The following SF3A1 variants were observed in gnomAD, a reference collection of about 807,000 sequenced individuals.
The protein encoded by SF3A1 is SAP 114.
In SF3A1, 13 loss-of-function variants were observed where a neutral mutation model predicts 89.9. The observed-to-expected ratio is 0.14, with a 90% CI of 0.09 to 0.23. The LOEUF is 0.23. Among genes scored for constraint, SF3A1 ranks in the 10% least tolerant of loss-of-function variants. The pLI, the probability that SF3A1 is intolerant of heterozygous loss-of-function variation, is 1.00. For synonymous variants in SF3A1, 405 were observed against 374.4 expected (o/e 1.08, Z -0.94); for missense variants, 604 against 1,022.1 (o/e 0.59, Z 5.58).
chr22:30,334,515 G>A lies in SF3A1; in HGVS notation c.*79C>T, dbSNP rs1467723150. 31 of 847,398 alleles carry A rather than the reference G, an allele frequency of 3.7e-5. No homozygotes were observed. The highest frequency in any genetic ancestry group is 5.3e-5 in the Non-Finnish European group (29 of 543,686). The allele number at this position is 847,398 out of a possible 1,614,324, so 52.5% of individuals were successfully genotyped here. On this transcript the variant is annotated 3_prime_UTR_variant, in exon 16 of 16. Transcript: ENST00000215793. ...ATATGCAGGCAAGGCAAAGCCTCAG[G>A]GGGGCTCCTGGGTCTGGGGCAGGGG...
chr22:30,342,753 A>G (rs1468150242), intron 5 of SF3A1, 52 bp downstream of exon 5: 1 of 1,190,610 alleles, frequency 8.4e-7, no homozygotes, highest in Admixed American at 1.7e-5. Context: ...TTTCAGACAT[A>G]AAACAGAACC....
intron 11 of SF3A1, among the ~76,000 whole-genome samples, chr22:30,338,307 A>G (rs1931139415): frequency 6.6e-6 from 1 of 151,968 alleles, no homozygotes; most frequent in South Asian, 2.1e-4. Flanking sequence ...AAAAATACAA[A>G]ATTAGCTGGG....
chr22:30,339,314 G>A, intron 9 of SF3A1, 63 bp from the exon 10 acceptor site: 1 of 1,598,350 alleles, frequency 6.3e-7, no homozygotes, highest in East Asian at 2.2e-5. Flanking sequence ...GTCCTGACAA[G>A]AGAGCAGCTT....
intron 2 of SF3A1, 76 bp downstream of exon 2, chr22:30,352,871 TAAAA>T: frequency 1.9e-4 from 287 of 1,544,506 alleles, no homozygotes; most frequent in Non-Finnish European, 2.3e-4. Context: ...AACGTCTCTT[TAAAA>T]ACCCTTGTGC....
intron 11 of SF3A1, 111 bp from the exon 12 acceptor site, chr22:30,338,008 C>T (rs995601449): frequency 2.2e-5 from 17 of 778,876 alleles, no homozygotes; most frequent in African/African-American, 8.5e-5. Context: ...TAGACAACTA[C>T]GTCCTGGCCC....
At position 30,340,682 on chromosome 22, in the gene SF3A1, A is replaced by G; in HGVS notation, c.1189+13T>C. ...CTGGGCAGCCCGAGGGTTGGGAAGC[A>G]GGCCCTCCCTACCTTTGGGATCATA... On this transcript the variant is annotated intron_variant, in intron 8 of 15. Transcript: ENST00000215793. 1 of 1,514,750 alleles carries G rather than the reference A, an allele frequency of 6.6e-7. No homozygotes were observed. Among genetic ancestry groups the G allele is most frequent in the Non-Finnish European group, 9.2e-7 (1 of 1,090,524 alleles). 93.8% of individuals were successfully genotyped at this position (1,514,750 alleles called of 1,614,324 possible).
chr22:30,336,646 G>C (rs956947726), intron 13 of SF3A1, among the ~76,000 whole-genome samples: 1 of 152,172 alleles, frequency 6.6e-6, no homozygotes, highest in African/African-American at 2.4e-5. Flanking sequence ...AAGGGCTAGA[G>C]CTGGGGAGGA....
chr22:30,334,357 G>A lies in SF3A1; in HGVS notation c.*237C>T, dbSNP rs759809914. ...CTGAAGAAATGAATGTCCTCAAATCGAGACCCTAACACAAAGAGATTCCAG... is the reference window on the plus strand; with the variant it reads ...CTGAAGAAATGAATGTCCTCAAATCAAGACCCTAACACAAAGAGATTCCAG... On this transcript the variant is annotated 3_prime_UTR_variant, in exon 16 of 16. Transcript: ENST00000215793. 12 of 382,188 alleles carry A rather than the reference G, an allele frequency of 3.1e-5. No homozygotes were observed. Among genetic ancestry groups the A allele is most frequent in the Admixed American group, 1.5e-4 (3 of 20,094 alleles). The allele number at this position is 382,188 out of a possible 1,614,324, so 23.7% of individuals were successfully genotyped here.
chr22:30,335,553 A>G lies in SF3A1; in HGVS notation c.2209-15T>C. On this transcript the variant is annotated splice_polypyrimidine_tract_variant and intron_variant, in intron 14 of 15. Transcript: ENST00000215793. ...ATGACAGAGACCTGTGGGATCAAGC[A>G]GCGGTCATTCAACTCCTTGGTAAGG... 1 of 1,614,156 alleles carries G rather than the reference A, an allele frequency of 6.2e-7. No homozygotes were observed. The highest frequency in any genetic ancestry group is 8.5e-7 in the Non-Finnish European group (1 of 1,179,974).
Position 30,344,880 on chromosome 22 carries a change from AAGATG to A in SF3A1, c.651+48_651+52del, listed in dbSNP as rs1309750082. 1.1e-5 allele frequency: 17 copies of A among 1,588,304 alleles called. No homozygotes were observed. In the East Asian group the frequency reaches 3.4e-4, roughly 32 times the overall value. ...GAGTGGACACAGTGCTTCCAAGCAT[AAGATG>A]TTTTCCTTTCCTGGGCCCAGGACCC... On this transcript the variant is annotated intron_variant, in intron 4 of 15. Coordinates refer to ENST00000215793, the MANE Select transcript of SF3A1 (RefSeq NM_005877.6).
At position 30,335,450 on chromosome 22, in the gene SF3A1, T is replaced by C. The variant is rs1226667235; in HGVS notation, c.2280+17A>G. ...TGTCAGGACCCAAGGGACAGGTCTG[T>C]GGACAAACTGACTCACCTCATACTG... is the stretch of plus-strand genomic sequence containing the variant. On this transcript the variant is annotated intron_variant, in intron 15 of 15. Coordinates refer to ENST00000215793, the MANE Select transcript of SF3A1 (RefSeq NM_005877.6). 6.2e-7 allele frequency: 1 copy of C among 1,611,558 alleles called. No homozygotes were observed. The highest frequency in any genetic ancestry group is 8.5e-7 in the Non-Finnish European group (1 of 1,177,816).
chr22:30,334,545 G>A lies in SF3A1; in HGVS notation c.*49C>T. The A allele has an allele frequency of 8.0e-7, 1 of 1,251,030 alleles. No individual in the cohort carries two copies. The highest frequency in any genetic ancestry group is 1.1e-6 in the Non-Finnish European group (1 of 897,274). The allele number at this position is 1,251,030 out of a possible 1,614,324, so 77.5% of individuals were successfully genotyped here. ...CTCCTGGGTCTGGGGCAGGGGGTGGGAGACAGGAGAGGCAAAATGGCAGGG... is the reference window on the plus strand; with the variant it reads ...CTCCTGGGTCTGGGGCAGGGGGTGGAAGACAGGAGAGGCAAAATGGCAGGG... On this transcript the variant is annotated 3_prime_UTR_variant, in exon 16 of 16. Coordinates refer to ENST00000215793, the MANE Select transcript of SF3A1 (RefSeq NM_005877.6).
In SF3A1 at chr22:30,350,607, C is replaced by T. The variant is rs181441636; in HGVS notation, c.185+2344G>A. On this transcript the variant is annotated intron_variant, in intron 2 of 15. Coordinates refer to ENST00000215793, the MANE Select transcript of SF3A1 (RefSeq NM_005877.6). ...AAAGGACCACAGGGCATTATGAAGA[C>T]CATGGAGCAAAATGGAAAAATGCTT... Among the ~76,000 whole-genome samples, 118 of 152,180 alleles carry T rather than the reference C, an allele frequency of 7.8e-4. 1 individual carries two copies. Among genetic ancestry groups the T allele is most frequent in the African/African-American group, 2.7e-3 (112 of 41,508 alleles).
rs1453473567 is a variant in SF3A1, at chr22:30,334,641, C to T, written c.2335G>A (p.Ala779Thr). Residue 779 changes from alanine to threonine, a missense_variant, in exon 16 of 16, where the codon GCA (alanine) becomes ACA (threonine). By Grantham distance (58) the Ala-to-Thr change is moderately conservative (BLOSUM62 0). Around this residue, in one of 9 missense-constraint regions of SF3A1, gnomAD observed 74 missense variants for 141.3 expected, o/e 0.52. Transcript: ENST00000215793. ...TCCTTGAGGGCCAGGTGGATGACTG[C>T]GCCATTGGCCATGTTGTAGTAAGCC... is the stretch of plus-strand genomic sequence containing the variant. ...SLAYYNMANG[A>T]VIHLALKERG... 4 of 1,584,864 alleles carry T rather than the reference C, an allele frequency of 2.5e-6. No individual in the cohort carries two copies. The highest frequency in any genetic ancestry group is 2.6e-6 in the Non-Finnish European group (3 of 1,169,688).
At chr22:30,348,871 T>C (rs115263611) in intron 2 of SF3A1, among the ~76,000 whole-genome samples, 129 of 152,326 alleles carry the variant, frequency 8.5e-4, no homozygotes, top group African/African-American at 3.0e-3. Context: ...GCCTAAGCCA[T>C]AACTTTACCC....
intron 8 of SF3A1, 62 bp from the exon 9 acceptor site, chr22:30,340,443 G>T: frequency 6.6e-7 from 1 of 1,504,464 alleles, no homozygotes; most frequent in Non-Finnish European, 9.2e-7. Flanking sequence ...TTAAGAGGGT[G>T]GTATTTCATG....
chr22:30,341,868 TG>T lies in SF3A1; in HGVS notation c.894del (p.Thr299ProfsTer168). 1 of 1,612,916 alleles carries T rather than the reference TG, an allele frequency of 6.2e-7. No homozygotes were observed. ...CGGGCCCCCAGCTCCTCTGGCGTGG[TG>T]GGGGGAGGGAAGTTCCCTAGAGGGT... is the stretch of plus-strand genomic sequence containing the variant. ...QPNEQGNFPPPTTPEELGARI... is the reference protein window; with the variant it reads ...QPNEQGNFPPXTTPEELGARI... On this transcript the variant is annotated frameshift_variant, in exon 7 of 16. Coordinates refer to ENST00000215793, the MANE Select transcript of SF3A1 (RefSeq NM_005877.6). LOFTEE classifies it high-confidence loss of function.
Position 30,344,964 on chromosome 22 carries a change from T to C in SF3A1, c.620A>G (p.Tyr207Cys). The C allele has an allele frequency of 6.2e-7, 1 of 1,614,206 alleles. No individual in the cohort carries two copies. Among genetic ancestry groups the C allele is most frequent in the Non-Finnish European group, 8.5e-7 (1 of 1,180,032 alleles). The change falls in exon 4 of 16, where the codon TAC becomes TGC. Residue 207 changes from tyrosine to cysteine, a missense_variant. By Grantham distance (194) the Tyr-to-Cys change is radical (BLOSUM62 -2). Transcript: ENST00000215793. ...FLRPQHSLFN[Y>C]FTKLVEQYTK... ...GTACTGTTCCACTAGCTTCGTGAAG[T>C]AGTTGAAGAGGCTGTGCTGTGGGCG...
intron 11 of SF3A1, among the ~76,000 whole-genome samples, 167 bp from the exon 12 acceptor site, chr22:30,338,064 C>T (rs1931130418): frequency 6.6e-6 from 1 of 152,162 alleles, no homozygotes; most frequent in African/African-American, 2.4e-5. Context: ...CCAATAGGAA[C>T]TGAGCTGCTG....
Sources: allele counts gnomAD v4.1 joint callset (sites outside exome capture counted in the v4.1 genomes callset), GRCh38; gene constraint gnomAD v4.1.1; regional missense constraint gnomAD v4.1.1; transcripts MANE v1.5; gene names NCBI Gene and HGNC (gene_info 2026-07-23, HGNC 2026-07-21).